TEX36: variants seen among roughly 807,000 people sequenced by gnomAD.
The protein encoded by TEX36 is testis-expressed protein 36.
A neutral mutation model predicts 13.6 loss-of-function variants in TEX36; 12 were observed. That is an observed-to-expected ratio of 0.88 (90% CI 0.56 to 1.43). TEX36 has a LOEUF of 1.43. TEX36 is among the 40% of genes most tolerant of loss of function. The pLI is 0.00. For synonymous variants in TEX36, 93 were observed against 83.0 expected (o/e 1.12, Z -0.65); for missense variants, 224 against 228.3 (o/e 0.98, Z 0.12).
At chr10:125,645,683 A>G (rs1020563457) in intron 3 of TEX36, among the ~76,000 whole-genome samples, 3 of 152,248 alleles carry the variant, frequency 2.0e-5, no homozygotes, top group Non-Finnish European at 4.4e-5. Flanking sequence ...TAGAAAATAA[A>G]TATTCTATTT....
At chr10:125,588,613 G>A (rs1040369186) in intron 3 of TEX36, among the ~76,000 whole-genome samples, 2 of 152,004 alleles carry the variant, frequency 1.3e-5, no homozygotes, top group African/African-American at 4.8e-5. Flanking sequence ...TTGTTTGTTT[G>A]TTTGTTTGTT....
rs1391406256 is a variant in TEX36 at position 125,591,989 on chromosome 10, C to A, written c.265-15115G>T. On this transcript the variant is annotated intron_variant, in intron 3 of 3. Transcript: ENST00000532135. ...CAAGTCCTAACAAATGATTGTCCTG[C>A]ACGATAGAACTGCAAATAAAACTCT... is the stretch of plus-strand genomic sequence containing the variant. 2.0e-5 allele frequency among the ~76,000 whole-genome samples: 3 copies of A among 152,268 alleles called. No individual in the cohort carries two copies. The East Asian group carries it at 5.8e-4, about 29-fold the overall frequency.
chr10:125,643,910 TAAAACAAAACAAAGC>T (rs202014455), intron 3 of TEX36, among the ~76,000 whole-genome samples: 3 of 151,950 alleles, frequency 2.0e-5, no homozygotes, highest in Admixed American at 6.6e-5. Flanking sequence ...AGACTTCACC[TAAAACAAAACAAAGC>T]AAAACAAAAC....
At chr10:125,588,998 C>T (rs1042711291) in intron 3 of TEX36, among the ~76,000 whole-genome samples, 5 of 152,340 alleles carry the variant, frequency 3.3e-5, no homozygotes, top group East Asian at 1.9e-4. Context: ...GGGTCCGCCC[C>T]GTGATTGAAA....
intron 3 of TEX36, among the ~76,000 whole-genome samples, chr10:125,657,343 G>A (rs1846964057): frequency 6.6e-6 from 1 of 152,126 alleles, no homozygotes; most frequent in Non-Finnish European, 1.5e-5. Flanking sequence ...CAGGACTGAG[G>A]GGACTGGGGA....
intron 3 of TEX36, among the ~76,000 whole-genome samples, chr10:125,580,784 C>G (rs1845873054): frequency 6.6e-6 from 1 of 152,150 alleles, no homozygotes; most frequent in Admixed American, 6.5e-5. Flanking sequence ...CCGGCCCAAT[C>G]ATAATCTTCC....
chr10:125,667,475 G>A, intron 1 of TEX36: 1 of 720,532 alleles, frequency 1.4e-6, no homozygotes, highest in Non-Finnish European at 2.6e-6. Context: ...AAGGGCTGAG[G>A]GGGTGTGTTC....
At chr10:125,662,843 G>A (rs1246510975) in intron 1 of TEX36, among the ~76,000 whole-genome samples, 1 of 152,214 alleles carries the variant, frequency 6.6e-6, no homozygotes, top group Non-Finnish European at 1.5e-5. Context: ...CAGCCAGAGT[G>A]ATGAGTCTTT....
At chr10:125,680,545 C>A (rs1473707249) in intron 1 of TEX36, among the ~76,000 whole-genome samples, 1 of 152,102 alleles carries the variant, frequency 6.6e-6, no homozygotes, top group African/African-American at 2.4e-5. Context: ...TAGGAAGGGG[C>A]AAGTGTGTGG....
chr10:125,610,446 T>C (rs1366107943), intron 3 of TEX36, among the ~76,000 whole-genome samples: 1 of 151,996 alleles, frequency 6.6e-6, no homozygotes, highest in African/African-American at 2.4e-5. Context: ...TGAAGTCTTG[T>C]TAGAAATGCA....
downstream of TEX36, among the ~76,000 whole-genome samples, chr10:125,617,795 G>A (rs1301737270): frequency 6.6e-6 from 1 of 152,106 alleles, no homozygotes; most frequent in African/African-American, 2.4e-5. Flanking sequence ...GATTATCTTT[G>A]TGGCGTTCTC....
chr10:125,652,424 G>T (rs1188050724), downstream of TEX36, among the ~76,000 whole-genome samples: 1 of 152,138 alleles, frequency 6.6e-6, no homozygotes, highest in East Asian at 1.9e-4. Flanking sequence ...TAGGAAAACT[G>T]GCTAGCCATA....
chr10:125,663,925 T>C (rs1395026441), intron 1 of TEX36, among the ~76,000 whole-genome samples: 1 of 152,176 alleles, frequency 6.6e-6, no homozygotes, highest in Non-Finnish European at 1.5e-5. Context: ...CCCCCTGTCA[T>C]GCTATCAACT....
At position 125,670,373 on chromosome 10, in the gene TEX36, G is replaced by T. The variant is rs566405940; in HGVS notation, c.52-8396C>A. 1.7e-3 allele frequency among the ~76,000 whole-genome samples: 254 copies of T among 152,220 alleles called. 4 individuals are homozygous for T. The highest frequency in any genetic ancestry group is 5.9e-3 in the African/African-American group (245 of 41,542). ...ATGCTGAGCTTTTTTTCATATGTTT[G>T]TTGGCCGCATAAATGTCTTCTTTTG... is the stretch of plus-strand genomic sequence containing the variant. On this transcript the variant is annotated intron_variant, in intron 1 of 3. Transcript: ENST00000368821.
downstream of TEX36, among the ~76,000 whole-genome samples, chr10:125,619,493 T>G (rs894887778): frequency 6.6e-6 from 1 of 152,154 alleles, no homozygotes; most frequent in African/African-American, 2.4e-5. Flanking sequence ...CTATGCCTCA[T>G]CATTTTGTGT....
At chr10:125,621,288 C>G (rs143761218), downstream of TEX36, among the ~76,000 whole-genome samples, 44 of 152,200 alleles carry the variant, frequency 2.9e-4, no homozygotes, top group Middle Eastern at 0.017. Flanking sequence ...GTTAAGCAGT[C>G]ACACCATTTT....
chr10:125,615,192 C>T (rs1483754745), intron 3 of TEX36, among the ~76,000 whole-genome samples: 87 of 151,240 alleles, frequency 5.8e-4, no homozygotes, highest in South Asian at 5.7e-3. Context: ...GCTGAGACAA[C>T]GGGGTTTTCT....
intron 3 of TEX36, among the ~76,000 whole-genome samples, chr10:125,580,187 T>A (rs1269200332): frequency 6.6e-6 from 1 of 152,232 alleles, no homozygotes; most frequent in Non-Finnish European, 1.5e-5. Context: ...TTCTTGCACA[T>A]TGGACTTGTC....
intron 3 of TEX36, among the ~76,000 whole-genome samples, chr10:125,629,430 T>G (rs1280046918): frequency 6.6e-6 from 1 of 152,156 alleles, no homozygotes; most frequent in African/African-American, 2.4e-5. Context: ...GAAAGAAAAA[T>G]CAGTGTAATT....
Sources: allele counts gnomAD v4.1 joint callset (sites outside exome capture counted in the v4.1 genomes callset), GRCh38; gene constraint gnomAD v4.1.1; transcripts MANE v1.5; gene names NCBI Gene and HGNC (gene_info 2026-07-23, HGNC 2026-07-21).